NCKAP5: variants seen among roughly 807,000 people sequenced by gnomAD.
NCKAP5 encodes NCK associated protein 5.
A neutral mutation model predicts 167.0 loss-of-function variants in NCKAP5; 92 were observed. That is an observed-to-expected ratio of 0.55 (90% CI 0.47 to 0.66). The LOEUF (loss-of-function observed/expected upper bound fraction) is 0.66. NCKAP5 is among the 30% of genes least tolerant of loss of function. The pLI is 0.00. For synonymous variants in NCKAP5, 891 were observed against 877.4 expected (o/e 1.02, Z -0.27); for missense variants, 2,378 against 2,315.0 (o/e 1.03, Z -0.56).
chr2:132,871,826 T>C (rs1413943332), intron 9 of NCKAP5, among the ~76,000 whole-genome samples: 1 of 152,212 alleles, frequency 6.6e-6, no homozygotes, highest in Non-Finnish European at 1.5e-5. Context: ...ATTATAGACA[T>C]GCTTTCCTCC....
chr2:133,474,117 T>TATCC (rs1185884444), intron 3 of NCKAP5, among the ~76,000 whole-genome samples: 1 of 124,588 alleles, frequency 8.0e-6, no homozygotes, highest in Non-Finnish European at 1.5e-5. Flanking sequence ...ATGTGATATC[T>TATCC]ATCTATCTAT....
the NCKAP5 span, among the ~76,000 whole-genome samples, chr2:133,586,705 C>A: frequency 6.6e-6 from 1 of 151,218 alleles, no homozygotes; most frequent in Non-Finnish European, 1.5e-5. Flanking sequence ...CACAAGAAAT[C>A]TGGGGTACAA....
intron 19 of NCKAP5, among the ~76,000 whole-genome samples, chr2:132,712,359 G>A (rs1688930197): frequency 6.6e-6 from 1 of 152,094 alleles, no homozygotes; most frequent in Non-Finnish European, 1.5e-5. Context: ...TTAGAACTAT[G>A]TTGGGATTCA....
intron 5 of NCKAP5, among the ~76,000 whole-genome samples, chr2:133,153,636 C>T (rs1197480303): frequency 2.0e-5 from 3 of 152,004 alleles, no homozygotes; most frequent in Non-Finnish European, 4.4e-5. Flanking sequence ...AACATAAAGC[C>T]CTCACCCATC....
rs141404654 is a variant in NCKAP5, at chr2:133,513,551, G to T, written c.69+3907C>A. ...ACCATCCAGCACATCCCCATAGCTG[G>T]TTTTCAATAGTGCTTGTTGACTGAT... On this transcript the variant is annotated intron_variant, in intron 3 of 19. Coordinates refer to ENST00000409261, the MANE Select transcript of NCKAP5 (RefSeq NM_207363.3). Among the ~76,000 whole-genome samples, 1,204 of 152,306 alleles carry T rather than the reference G, an allele frequency of 7.9e-3. 6 individuals are homozygous for T. The highest frequency in any genetic ancestry group is 0.028 in the African/African-American group (1,151 of 41,562).
intron 2 of NCKAP5, among the ~76,000 whole-genome samples, chr2:133,542,813 G>A (rs936635871): frequency 3.9e-5 from 6 of 152,178 alleles, no homozygotes; most frequent in African/African-American, 1.2e-4. Flanking sequence ...TTCTGGTGCA[G>A]TATTGGCATA....
chr2:133,579,660 T>G, the NCKAP5 span, among the ~76,000 whole-genome samples: 1 of 152,190 alleles, frequency 6.6e-6, no homozygotes, highest in African/African-American at 2.4e-5. Context: ...GAAATAAAAC[T>G]GACTCAGTGG....
At chr2:132,971,043 C>T (rs185816743) in intron 7 of NCKAP5, among the ~76,000 whole-genome samples, 2 of 152,292 alleles carry the variant, frequency 1.3e-5, no homozygotes, top group Non-Finnish European at 2.9e-5. Flanking sequence ...TGAGCAGTTC[C>T]TACATGCTAG....
At chr2:133,553,478 GTT>G (rs202110637) in intron 2 of NCKAP5, among the ~76,000 whole-genome samples, 9 of 152,004 alleles carry the variant, frequency 5.9e-5, no homozygotes, top group Admixed American at 3.9e-4. Flanking sequence ...GGAAATAGGG[GTT>G]GAAAAAGAAC....
At chr2:132,954,697 G>C (rs1384414364) in intron 8 of NCKAP5, 1 of 451,088 alleles carries the variant, frequency 2.2e-6, no homozygotes, top group Non-Finnish European at 4.4e-6. Context: ...AATTTGATTA[G>C]GTACAATAAT....
At chr2:132,674,366 C>G (rs1684153369) in intron 19 of NCKAP5, among the ~76,000 whole-genome samples, 1 of 152,160 alleles carries the variant, frequency 6.6e-6, no homozygotes, top group Non-Finnish European at 1.5e-5. Flanking sequence ...GATATTTGCC[C>G]AAGGTTGCCC....
chr2:133,351,607 T>C (rs1684367179), intron 3 of NCKAP5, among the ~76,000 whole-genome samples: 1 of 152,144 alleles, frequency 6.6e-6, no homozygotes, highest in Non-Finnish European at 1.5e-5. Flanking sequence ...ATTTCCTTGT[T>C]TCCTAAAAGA....
At chr2:132,887,522 A>G (rs988154075) in intron 8 of NCKAP5, among the ~76,000 whole-genome samples, 4 of 152,152 alleles carry the variant, frequency 2.6e-5, no homozygotes, top group Non-Finnish European at 4.4e-5. Context: ...ACTCACTTCT[A>G]TGACCTTATA....
At chr2:133,607,904 T>C in the NCKAP5 span, among the ~76,000 whole-genome samples, 3 of 152,234 alleles carry the variant, frequency 2.0e-5, no homozygotes, top group Non-Finnish European at 4.4e-5. Context: ...TGCATCATAG[T>C]CATGAGCTTC....
chr2:133,357,756 A>G (rs1055623090), intron 3 of NCKAP5, among the ~76,000 whole-genome samples: 2 of 152,134 alleles, frequency 1.3e-5, no homozygotes, highest in African/African-American at 4.8e-5. Context: ...TATTATCTCA[A>G]ATGTAGCTTC....
chr2:133,451,411 G>A (rs1314119760), intron 3 of NCKAP5, among the ~76,000 whole-genome samples: 1 of 152,148 alleles, frequency 6.6e-6, no homozygotes, highest in Non-Finnish European at 1.5e-5. Flanking sequence ...AGTGGCACAT[G>A]AGTATCCTTT....
chr2:133,306,502 C>T (rs1390886555), intron 3 of NCKAP5, among the ~76,000 whole-genome samples: 1 of 152,188 alleles, frequency 6.6e-6, no homozygotes, highest in African/African-American at 2.4e-5. Context: ...AAGATGTGGT[C>T]TCTCTGACAC....
rs541037769 is a variant in NCKAP5, at chr2:133,065,881, A to G, written c.341+64097T>C. The stretch of plus-strand genomic sequence containing the variant: ...ACATATGATATAACGAATATTTGGT[A>G]GAAAACTGTTGACACCAGTGCAATA... On this transcript the variant is annotated intron_variant, in intron 6 of 19. Coordinates refer to ENST00000409261, the MANE Select transcript of NCKAP5 (RefSeq NM_207363.3). 5.3e-5 allele frequency among the ~76,000 whole-genome samples: 8 copies of G among 152,366 alleles called. No individual in the cohort carries two copies. In the South Asian group the frequency reaches 1.7e-3, roughly 32 times the overall value.
rs1316411482 is a variant in NCKAP5, at chr2:132,671,869, T to G, written c.*1420A>C. On this transcript the variant is annotated 3_prime_UTR_variant, in exon 20 of 20. Coordinates refer to ENST00000409261, the MANE Select transcript of NCKAP5 (RefSeq NM_207363.3). ...TTTTAAAGTCTGAAAGACAAGGACA[T>G]TTTACATAATTTTCATTTAAGATAA... The G allele has an allele frequency of 6.6e-6, 1 of 152,642 alleles. No homozygotes were observed. The highest frequency in any genetic ancestry group is 2.4e-5 in the African/African-American group (1 of 41,456). The allele number at this position is 152,642 out of a possible 1,614,324, so 9.5% of individuals were successfully genotyped here.
Sources: allele counts gnomAD v4.1 joint callset (sites outside exome capture counted in the v4.1 genomes callset), GRCh38; gene constraint gnomAD v4.1.1; transcripts MANE v1.5; gene names NCBI Gene and HGNC (gene_info 2026-07-23, HGNC 2026-07-21).